LRRFIP2: variants seen among roughly 807,000 people sequenced by gnomAD.
The protein encoded by LRRFIP2 is leucine-rich repeat flightless-interacting protein 2.
In LRRFIP2, 109 loss-of-function variants were observed where a neutral mutation model predicts 125.9. The observed-to-expected ratio is 0.87, with a 90% CI of 0.74 to 1.01. The LOEUF is 1.01. LRRFIP2 is among the 50% of genes least tolerant of loss of function. LRRFIP2 has a pLI of 0.00. For synonymous variants in LRRFIP2, 291 were observed against 293.1 expected (o/e 0.99, Z 0.07); for missense variants, 850 against 862.3 (o/e 0.99, Z 0.18).
Position 37,066,207 on chromosome 3 carries a change from G to A in LRRFIP2, c.1566+17C>T. On this transcript the variant is annotated intron_variant, in intron 22 of 27. Transcript: ENST00000336686. ...AAAACAGTGAGGGACCTGAATTCCAGGCTAATGCTAACATACCTCTCCCGT... is the reference window on the plus strand; with the variant it reads ...AAAACAGTGAGGGACCTGAATTCCAAGCTAATGCTAACATACCTCTCCCGT... The A allele has an allele frequency of 6.2e-7, 1 of 1,603,796 alleles. No homozygotes were observed. The highest frequency in any genetic ancestry group is 8.5e-7 in the Non-Finnish European group (1 of 1,170,622).
intron 1 of LRRFIP2, among the ~76,000 whole-genome samples, chr3:37,151,525 T>C (rs1376913386): frequency 6.6e-6 from 1 of 152,172 alleles, no homozygotes; most frequent in Non-Finnish European, 1.5e-5. Flanking sequence ...ATAGTAACAG[T>C]GTATACATTG....
chr3:37,108,140 T>A lies in LRRFIP2; in HGVS notation c.658-11A>T. On this transcript the variant is annotated splice_polypyrimidine_tract_variant and intron_variant, in intron 12 of 27. Transcript: ENST00000336686. The stretch of plus-strand genomic sequence containing the variant: ...ACTGCATTCAGATGGCTATAAAGTT[T>A]CCAAGAAGAAAGGTTTTACAACAAT... 1 of 1,610,646 alleles carries A rather than the reference T, an allele frequency of 6.2e-7. No homozygotes were observed. Among genetic ancestry groups the A allele is most frequent in the Non-Finnish European group, 8.5e-7 (1 of 1,176,934 alleles).
At position 37,129,092 on chromosome 3, in the gene LRRFIP2, T is replaced by C. The variant is rs979634687; in HGVS notation, c.148A>G (p.Met50Val). 2 of 1,614,164 alleles carry C rather than the reference T, an allele frequency of 1.2e-6. No homozygotes were observed. The highest frequency in any genetic ancestry group is 1.1e-5 in the South Asian group (1 of 91,088). Residue 50 changes from methionine to valine, a missense_variant, in exon 3 of 28, where the codon ATG (methionine) becomes GTG (valine). Physicochemically the swap from Met to Val is conservative, Grantham distance 21. Coordinates refer to ENST00000336686, the MANE Select transcript of LRRFIP2 (RefSeq NM_006309.4). ...TTTTGTTGTCGTTCCAGTTCTCTCA[T>C]GCGTATATCTCTTGCTTCTGCCCGG... Reference protein sequence around the residue: ...AARAEARDIRMRELERQQKEY... With the variant: ...AARAEARDIRVRELERQQKEY...
rs60540567 is a variant in LRRFIP2, at chr3:37,121,841, C to CGTGTGTGTGT, written c.229-160_229-151dup. On this transcript the variant is annotated intron_variant, in intron 4 of 27. Transcript: ENST00000336686. Reference sequence around the variant, plus strand: ...AACTTATCTTAGGGGCAGCCACATTCGTGTGTGTGTGTGTGTGTGTGTGTG... The same window carrying CGTGTGTGTGT: ...AACTTATCTTAGGGGCAGCCACATTCGTGTGTGTGTGTGTGTGTGTGTGTGTGTGTGTGTG... 108 of 521,608 alleles carry CGTGTGTGTGT rather than the reference C, an allele frequency of 2.1e-4. 1 individual carries two copies. Among genetic ancestry groups the CGTGTGTGTGT allele is most frequent in the African/African-American group, 1.8e-3 (86 of 48,796 alleles). 32.3% of individuals were successfully genotyped at this position (521,608 alleles called of 1,614,324 possible).
chr3:37,072,688 C>A, intron 21 of LRRFIP2, 102 bp downstream of exon 21: 1 of 681,758 alleles, frequency 1.5e-6, no homozygotes. Context: ...TGTGTAAATG[C>A]TCAAGAAGAA....
At chr3:37,115,870 A>G (rs1373273511) in intron 6 of LRRFIP2, among the ~76,000 whole-genome samples, 5 of 152,372 alleles carry the variant, frequency 3.3e-5, no homozygotes, top group Admixed American at 1.3e-4. Flanking sequence ...TATGGTTTTC[A>G]CACATCGTTT....
intron 12 of LRRFIP2, 107 bp from the exon 13 acceptor site, chr3:37,108,236 A>G: frequency 1.2e-6 from 1 of 836,872 alleles, no homozygotes; most frequent in Non-Finnish European, 2.0e-6. Flanking sequence ...TCTCAAGATA[A>G]AGGTAACTGT....
intron 24 of LRRFIP2, among the ~76,000 whole-genome samples, chr3:37,061,591 C>T (rs1043688050): frequency 6.6e-6 from 1 of 151,862 alleles, no homozygotes; most frequent in Non-Finnish European, 1.5e-5. Flanking sequence ...TGGGGTTTCA[C>T]CATGTTGGCC....
chr3:37,079,729 AATAT>A (rs1270480372), intron 19 of LRRFIP2, among the ~76,000 whole-genome samples: 1 of 152,236 alleles, frequency 6.6e-6, no homozygotes, highest in African/African-American at 2.4e-5. Context: ...AAAAAAATGG[AATAT>A]TAATAGGCTA....
intron 1 of LRRFIP2, among the ~76,000 whole-genome samples, chr3:37,169,343 C>T (rs1428749295): frequency 2.6e-5 from 4 of 152,174 alleles, no homozygotes; most frequent in African/African-American, 9.7e-5. Context: ...AAGGATGAAT[C>T]TGGCAAGACA....
intron 1 of LRRFIP2, among the ~76,000 whole-genome samples, chr3:37,151,962 C>T (rs2096043214): frequency 6.6e-6 from 1 of 152,138 alleles, no homozygotes; most frequent in Non-Finnish European, 1.5e-5. Context: ...AATCCCACTA[C>T]TAGGTCTCTA....
chr3:37,081,448 T>C (rs1195359585), intron 19 of LRRFIP2, among the ~76,000 whole-genome samples: 1 of 152,192 alleles, frequency 6.6e-6, no homozygotes, highest in Non-Finnish European at 1.5e-5. Context: ...ATAAACATTC[T>C]ACTTTATAAA....
chr3:37,112,005 T>G (rs905845745), intron 8 of LRRFIP2: 1 of 152,300 alleles, frequency 6.6e-6, no homozygotes, highest in Non-Finnish European at 1.5e-5. Context: ...CCAGTACTGT[T>G]GCAGCCTAAC....
chr3:37,132,709 T>C (rs928370648), intron 2 of LRRFIP2, among the ~76,000 whole-genome samples: 3 of 152,220 alleles, frequency 2.0e-5, no homozygotes, highest in South Asian at 2.1e-4. Context: ...TCCAACCTAG[T>C]AGACGAAATA....
chr3:37,124,982 G>A (rs541455258), intron 4 of LRRFIP2, among the ~76,000 whole-genome samples: 72 of 151,716 alleles, frequency 4.7e-4, no homozygotes, highest in African/African-American at 1.7e-3. Context: ...ATAATACATC[G>A]TCATTATCCC....
chr3:37,163,787 T>G (rs1254759377), intron 1 of LRRFIP2, among the ~76,000 whole-genome samples: 2 of 152,294 alleles, frequency 1.3e-5, no homozygotes, highest in African/African-American at 4.8e-5. Context: ...TATTGCAGGC[T>G]TGAGCAGAGA....
chr3:37,072,936 G>A, intron 20 of LRRFIP2, 54 bp from the exon 21 acceptor site: 1 of 1,134,208 alleles, frequency 8.8e-7, no homozygotes, highest in Non-Finnish European at 1.3e-6. Context: ...AAAAGGGAGA[G>A]GAGGTTTGAG....
intron 21 of LRRFIP2, chr3:37,067,135 G>C (rs1195755487): frequency 1.3e-5 from 2 of 152,296 alleles, no homozygotes; most frequent in East Asian, 3.9e-4. Flanking sequence ...CCCATCCCAA[G>C]GGCAGAGGCA....
At chr3:37,101,630 A>G (rs1438442587) in intron 15 of LRRFIP2, among the ~76,000 whole-genome samples, 1 of 147,820 alleles carries the variant, frequency 6.8e-6, no homozygotes, top group Non-Finnish European at 1.5e-5. Flanking sequence ...GCACTGCTGC[A>G]CTCCGACCTG....
Sources: allele counts gnomAD v4.1 joint callset (sites outside exome capture counted in the v4.1 genomes callset), GRCh38; gene constraint gnomAD v4.1.1; transcripts MANE v1.5; gene names NCBI Gene and HGNC (gene_info 2026-07-23, HGNC 2026-07-21).